The following SIK2 variants were observed in gnomAD, a reference collection of about 807,000 sequenced individuals.
The protein encoded by SIK2 is salt inducible kinase 2, also known as serine/threonine-protein kinase SIK2.
SIK2 carries 29 observed loss-of-function variants against 103.2 expected under a neutral mutation model. That is an observed-to-expected ratio of 0.28 (90% CI 0.21 to 0.38). The LOEUF is 0.38. SIK2 is among the 10% of genes least tolerant of loss of function. The pLI is 1.00. For missense variants in SIK2, 879 were observed against 1,171.0 expected (o/e 0.75, Z 3.64); for synonymous variants, 412 against 446.1 (o/e 0.92, Z 0.96).
intron 3 of SIK2, among the ~76,000 whole-genome samples, chr11:111,659,439 G>A (rs1315137252): frequency 6.6e-6 from 1 of 152,198 alleles, no homozygotes; most frequent in Non-Finnish European, 1.5e-5. Flanking sequence ...GATAGGAAGT[G>A]CAGCTTAGGC....
chr11:111,682,802 A>G (rs1942793609), intron 3 of SIK2, among the ~76,000 whole-genome samples: 1 of 152,220 alleles, frequency 6.6e-6, no homozygotes, highest in African/African-American at 2.4e-5. Flanking sequence ...GCTAACCTTC[A>G]TCACAGTGTA....
At chr11:111,694,167 A>G (rs1437555449) in intron 4 of SIK2, among the ~76,000 whole-genome samples, 5 of 152,246 alleles carry the variant, frequency 3.3e-5, no homozygotes, top group Admixed American at 1.3e-4. Flanking sequence ...TATTCAATGT[A>G]TAATTGATTC....
chr11:111,680,661 G>A (rs960736077), intron 3 of SIK2, among the ~76,000 whole-genome samples: 42 of 152,182 alleles, frequency 2.8e-4, no homozygotes, highest in Non-Finnish European at 8.8e-5. Context: ...CCTGAGACAT[G>A]AGGGAACTCA....
At chr11:111,711,966 A>G (rs1396735134) in intron 8 of SIK2, among the ~76,000 whole-genome samples, 1 of 152,212 alleles carries the variant, frequency 6.6e-6, no homozygotes, top group African/African-American at 2.4e-5. Context: ...CGTGAAAGTC[A>G]AGCATCCCCT....
At chr11:111,603,554 T>C (rs780929716) in intron 1 of SIK2, among the ~76,000 whole-genome samples, 14 of 152,136 alleles carry the variant, frequency 9.2e-5, no homozygotes, top group Non-Finnish European at 1.6e-4. Context: ...TTGCACATTC[T>C]AATGCACCGC....
intron 3 of SIK2, among the ~76,000 whole-genome samples, chr11:111,640,209 G>C (rs987013382): frequency 1.3e-5 from 2 of 152,128 alleles, no homozygotes; most frequent in African/African-American, 4.8e-5. Context: ...GATCTAGTCT[G>C]TTGTAAATCA....
intron 9 of SIK2, among the ~76,000 whole-genome samples, chr11:111,717,558 G>C (rs779450508): frequency 1.3e-5 from 2 of 152,092 alleles, no homozygotes; most frequent in Non-Finnish European, 2.9e-5. Context: ...TCTAGAGGCA[G>C]AAATACCATT....
chr11:111,717,036 C>T (rs1027398419), intron 9 of SIK2, among the ~76,000 whole-genome samples: 5 of 152,032 alleles, frequency 3.3e-5, no homozygotes, highest in Admixed American at 6.5e-5. Flanking sequence ...CAACAGCGGC[C>T]GGGTGTGGTG....
chr11:111,684,825 C>T (rs1942824199), intron 3 of SIK2, among the ~76,000 whole-genome samples: 1 of 152,204 alleles, frequency 6.6e-6, no homozygotes, highest in African/African-American at 2.4e-5. Context: ...TGGATAGCTA[C>T]TATGCAGGTT....
chr11:111,720,782 C>T lies in SIK2; in HGVS notation c.1780+20C>T. 6.4e-7 allele frequency: 1 copy of T among 1,573,306 alleles called. No individual in the cohort carries two copies. The stretch of plus-strand genomic sequence containing the variant: ...CCCAGGGTGAGCACTTCCTCCTCTG[C>T]TTTTTGAAACTCGCGTCGTAGGAGA... On this transcript the variant is annotated intron_variant, in intron 11 of 14. Coordinates refer to ENST00000304987, the MANE Select transcript of SIK2 (RefSeq NM_015191.3).
At chr11:111,622,255 T>C (rs1255176726) in intron 3 of SIK2, among the ~76,000 whole-genome samples, 18 of 125,780 alleles carry the variant, frequency 1.4e-4, no homozygotes, top group East Asian at 6.8e-4. Flanking sequence ...TTCTTTTTTT[T>C]TTTTTTTTTT....
intron 4 of SIK2, among the ~76,000 whole-genome samples, chr11:111,691,384 A>G (rs867408955): frequency 9.2e-5 from 14 of 152,256 alleles, no homozygotes; most frequent in Non-Finnish European, 1.9e-4. Context: ...CTTCACAGCA[A>G]TCTTGGGAGC....
intron 3 of SIK2, among the ~76,000 whole-genome samples, chr11:111,674,132 A>G (rs1942667511): frequency 6.6e-6 from 1 of 152,082 alleles, no homozygotes; most frequent in Non-Finnish European, 1.5e-5. Flanking sequence ...ATATTTAGAA[A>G]CAGGCCTACA....
Position 111,606,790 on chromosome 11 carries a change from C to A in SIK2, c.135+4092C>A, listed in dbSNP as rs568008383. On this transcript the variant is annotated intron_variant, in intron 1 of 14. Transcript: ENST00000304987. ...GAGTAGTGTATTTTTATTACCAAAT[C>A]TGTCGTGTTTATTATTGAGAAATTT... Among the ~76,000 whole-genome samples, 3 of 151,930 alleles carry A rather than the reference C, an allele frequency of 2.0e-5. No homozygotes were observed. In the South Asian group the frequency reaches 6.2e-4, roughly 32 times the overall value.
chr11:111,616,696 A>G (rs1304567974), intron 2 of SIK2, among the ~76,000 whole-genome samples: 3 of 152,046 alleles, frequency 2.0e-5, no homozygotes, highest in Non-Finnish European at 4.4e-5. Flanking sequence ...ATATACAAAT[A>G]TTAGCCTGGT....
chr11:111,612,076 C>T (rs1941735181), intron 1 of SIK2, among the ~76,000 whole-genome samples: 1 of 152,132 alleles, frequency 6.6e-6, no homozygotes, highest in Admixed American at 6.5e-5. Flanking sequence ...ATATCCCAGG[C>T]ATAATTCCTG....
chr11:111,693,871 A>G (rs1390800395), intron 4 of SIK2, among the ~76,000 whole-genome samples: 1 of 152,212 alleles, frequency 6.6e-6, no homozygotes, highest in African/African-American at 2.4e-5. Context: ...AATAGGTCAG[A>G]GTATGGGCTG....
rs1944159691 is a variant in SIK2 at position 111,730,653 on chromosome 11, A to AAATC, written c.*6526_*6529dup. 1.3e-5 allele frequency: 2 copies of AAATC among 152,102 alleles called. No homozygotes were observed. The highest frequency in any genetic ancestry group is 6.5e-5 in the Admixed American group (1 of 15,280). The allele number at this position is 152,102 out of a possible 1,614,324, so 9.4% of individuals were successfully genotyped here. The stretch of plus-strand genomic sequence containing the variant: ...TCAGTAGCTTTGGTATTATGAGTGC[A>AAATC]AATCATAATAGCTCCAATGTGAAAA... On this transcript the variant is annotated 3_prime_UTR_variant, in exon 15 of 15. Coordinates refer to ENST00000304987, the MANE Select transcript of SIK2 (RefSeq NM_015191.3).
intron 9 of SIK2, among the ~76,000 whole-genome samples, chr11:111,714,484 G>A (rs948534240): frequency 3.9e-5 from 6 of 152,196 alleles, no homozygotes; most frequent in Non-Finnish European, 8.8e-5. Flanking sequence ...CCCCGGTGCA[G>A]GGGAGAAACT....
Sources: allele counts gnomAD v4.1 joint callset (sites outside exome capture counted in the v4.1 genomes callset), GRCh38; gene constraint gnomAD v4.1.1; transcripts MANE v1.5; gene names NCBI Gene and HGNC (gene_info 2026-07-23, HGNC 2026-07-21).